The following LAMP1 variants were observed in gnomAD, a reference collection of about 807,000 sequenced individuals.
LAMP1 encodes lysosome associated membrane protein 1.
In LAMP1, 7 loss-of-function variants were observed where a neutral mutation model predicts 37.5. The ratio of observed to expected loss-of-function variants is 0.19; its 90% confidence interval spans 0.11 to 0.35. LAMP1 has a LOEUF of 0.35. LAMP1 is among the 10% of genes least tolerant of loss of function. LAMP1 has a pLI of 1.00. For missense variants in LAMP1, 537 were observed against 552.8 expected (o/e 0.97, Z 0.29); for synonymous variants, 236 against 229.1 (o/e 1.03, Z -0.27).
At chr13:113,310,627 G>T in intron 3 of LAMP1, 82 bp from the exon 4 acceptor site, 1 of 1,084,824 alleles carries the variant, frequency 9.2e-7, no homozygotes, top group Non-Finnish European at 1.3e-6. Context: ...ATCTATAACT[G>T]ACATCAGGGC....
chr13:113,303,634 A>G (rs1432167086), intron 1 of LAMP1, among the ~76,000 whole-genome samples: 2 of 151,170 alleles, frequency 1.3e-5, no homozygotes, highest in Non-Finnish European at 2.9e-5. Context: ...TGATGCTCTT[A>G]TTTTCTTCTA....
Position 113,322,620 on chromosome 13 carries a change from A to G in LAMP1, c.*199A>G. On this transcript the variant is annotated 3_prime_UTR_variant, in exon 9 of 9. Transcript: ENST00000332556. ...GGTGTTAATTTTGCTAACTGGGTTA[A>G]ATATTTTGCTAACTGGTTAAACATT... 2.3e-6 allele frequency: 1 copy of G among 431,584 alleles called. No homozygotes were observed. Among genetic ancestry groups the G allele is most frequent in the Non-Finnish European group, 4.0e-6 (1 of 249,862 alleles). 26.7% of individuals were successfully genotyped at this position (431,584 alleles called of 1,614,324 possible).
Position 113,320,442 on chromosome 13 carries a change from C to T in LAMP1, c.848C>T (p.Thr283Ile), listed in dbSNP as rs749182188. ...ACTCTGGAGCTGCACAGCGAGGGCA[C>T]CACCGTCCTGCTCTTCCAGTTCGGG... is the stretch of plus-strand genomic sequence containing the variant. The part of the protein sequence containing the change: ...LVTLELHSEG[T>I]TVLLFQFGMN... Residue 283 changes from threonine to isoleucine, a missense_variant, in exon 6 of 9, where the codon ACC becomes ATC. Physicochemically the swap from Thr to Ile is moderately conservative, Grantham distance 89. Transcript: ENST00000332556. The surrounding 1 kb of genome is among the most constrained non-coding windows in gnomAD (Gnocchi z 4.4). 6.2e-7 allele frequency: 1 copy of T among 1,610,298 alleles called. No individual in the cohort carries two copies. Among genetic ancestry groups the T allele is most frequent in the East Asian group, 2.2e-5 (1 of 44,870 alleles).
In LAMP1 at chr13:113,310,747, G is replaced by T. The variant is rs1323013704; in HGVS notation, c.442G>T (p.Asp148Tyr). ...TVESITDIRA[D>Y]IDKKYRCVSG... ...GGAATCTATAACTGACATCAGGGCA[G>T]ATATAGATAAAAAATACAGATGTGT... The change falls in exon 4 of 9, where the codon GAT becomes TAT. Residue 148 changes from aspartate to tyrosine, a missense_variant. By Grantham distance (160) the Asp-to-Tyr change is radical. Coordinates refer to ENST00000332556, the MANE Select transcript of LAMP1 (RefSeq NM_005561.4). 6.2e-7 allele frequency: 1 copy of T among 1,612,814 alleles called. No homozygotes were observed. Among genetic ancestry groups the T allele is most frequent in the Admixed American group, 1.7e-5 (1 of 59,904 alleles).
rs2042573761 is a variant in LAMP1, at chr13:113,301,642, AAAATATATATATATATAT to A, written c.61+4149_61+4166del. Among the ~76,000 whole-genome samples, 11 of 37,490 alleles carry A rather than the reference AAAATATATATATATATAT, an allele frequency of 2.9e-4. 1 individual carries two copies. Among genetic ancestry groups the A allele is most frequent in the African/African-American group, 1.0e-3 (6 of 5,998 alleles). 24.6% of individuals were successfully genotyped at this position (37,490 alleles called of 152,430 possible). A position where few individuals can be genotyped will look rare whatever the true frequency, so the allele number is the denominator to read the frequency against. ...TGTTTCCATTTAAAAAAAAAAAAAA[AAAATATATATATATATAT>A]ATATATATATATATATATATATATA... On this transcript the variant is annotated intron_variant, in intron 1 of 8. Coordinates refer to ENST00000332556, the MANE Select transcript of LAMP1 (RefSeq NM_005561.4).
In LAMP1 at chr13:113,319,488, C is replaced by A. The variant is rs770677734; in HGVS notation, c.582C>A (p.Asp194Glu). The A allele has an allele frequency of 6.2e-7, 1 of 1,612,780 alleles. No homozygotes were observed. Among genetic ancestry groups the A allele is most frequent in the Non-Finnish European group, 8.5e-7 (1 of 1,179,434 alleles). ...FSRGETRCEQ[D>E]RPSPTTAPPA... is the part of the protein sequence containing the mutation. ...CTGCAGAGACACGCTGTGAACAAGA[C>A]AGGCCTTCCCCAACCACAGCGCCCC... The change falls in exon 5 of 9, where the codon GAC (aspartate) becomes GAA (glutamate). Residue 194 changes from aspartate (D) to glutamate (E), a missense_variant. Coordinates refer to ENST00000332556, the MANE Select transcript of LAMP1 (RefSeq NM_005561.4).
At position 113,307,534 on chromosome 13, in the gene LAMP1, A is replaced by G. The variant is rs2042606306; in HGVS notation, c.183+928A>G. On this transcript the variant is annotated intron_variant, in intron 2 of 8. Transcript: ENST00000332556. Reference sequence around the variant, plus strand: ...GTTAATTCACCATAATTTGTTACACACTCCCCTATTAGTAATTGGTAAGTT... The same window carrying G: ...GTTAATTCACCATAATTTGTTACACGCTCCCCTATTAGTAATTGGTAAGTT... 2.0e-5 allele frequency among the ~76,000 whole-genome samples: 3 copies of G among 151,958 alleles called. No homozygotes were observed. In the South Asian group the frequency reaches 6.2e-4, roughly 32 times the overall value.
rs1184016888 is a variant in LAMP1 at position 113,315,574 on chromosome 13, G to A, written c.563-3895G>A. Among the ~76,000 whole-genome samples the A allele has an allele frequency of 2.6e-5, 4 of 151,244 alleles. No individual in the cohort carries two copies. The East Asian group carries it at 7.9e-4, about 30-fold the overall frequency. On this transcript the variant is annotated intron_variant, in intron 4 of 8. Coordinates refer to ENST00000332556, the MANE Select transcript of LAMP1 (RefSeq NM_005561.4). ...CTGGTTAATTTTTATATTTTTAGTAGAGGGGGGCGTTGCACCATGTTGGCC... is the reference window on the plus strand; with the variant it reads ...CTGGTTAATTTTTATATTTTTAGTAAAGGGGGGCGTTGCACCATGTTGGCC...
chr13:113,318,431 G>A (rs1456880582), intron 4 of LAMP1, among the ~76,000 whole-genome samples: 1 of 152,148 alleles, frequency 6.6e-6, no homozygotes, highest in African/African-American at 2.4e-5. Flanking sequence ...GGAAAGGATC[G>A]AATTGGGTGG....
Position 113,297,628 on chromosome 13 carries a change from G to A in LAMP1, c.61+133G>A, listed in dbSNP as rs2042549864. 1.2e-6 allele frequency: 1 copy of A among 844,820 alleles called. No individual in the cohort carries two copies. The highest frequency in any genetic ancestry group is 1.5e-6 in the Non-Finnish European group (1 of 655,938). The allele number at this position is 844,820 out of a possible 1,614,324, so 52.3% of individuals were successfully genotyped here. The stretch of plus-strand genomic sequence containing the variant: ...CACCCACTGCTCCTGGTCCCGGCCG[G>A]CTCTGCCCGCGGGCGGGTGTTTCTC... On this transcript the variant is annotated intron_variant, in intron 1 of 8. Transcript: ENST00000332556. This position sits in a 1 kb window ranked among gnomAD's most constrained non-coding sequence, Gnocchi z 4.4.
At chr13:113,307,807 A>AC (rs1757784244) in intron 2 of LAMP1, among the ~76,000 whole-genome samples, 1 of 150,642 alleles carries the variant, frequency 6.6e-6, no homozygotes, top group South Asian at 2.1e-4. Flanking sequence ...AAAAAAAAAA[A>AC]AAAAAGCCAG....
intron 4 of LAMP1, 28 bp from the exon 5 acceptor site, chr13:113,319,441 C>A: frequency 6.4e-7 from 1 of 1,569,160 alleles, no homozygotes; most frequent in South Asian, 1.2e-5. Flanking sequence ...GAAACCCAGA[C>A]CTGAATCTCC....
rs2042608758 is a variant in LAMP1 at position 113,307,953 on chromosome 13, T to C, written c.183+1347T>C. On this transcript the variant is annotated intron_variant, in intron 2 of 8. Coordinates refer to ENST00000332556, the MANE Select transcript of LAMP1 (RefSeq NM_005561.4). Reference sequence around the variant, plus strand: ...CAGCCTGGGTGACAGAGCGAGACCATCTCCAAAAAAAAAAAAAAAAAAAAA... The same window carrying C: ...CAGCCTGGGTGACAGAGCGAGACCACCTCCAAAAAAAAAAAAAAAAAAAAA... Among the ~76,000 whole-genome samples, 4 of 101,812 alleles carry C rather than the reference T, an allele frequency of 3.9e-5. No individual in the cohort carries two copies. In the South Asian group the frequency reaches 9.9e-4, roughly 25 times the overall value. 66.8% of individuals were successfully genotyped at this position (101,812 alleles called of 152,430 possible). A position where few individuals can be genotyped will look rare whatever the true frequency, so the allele number is the denominator to read the frequency against.
At chr13:113,310,306 T>A (rs2042623273) in intron 3 of LAMP1, among the ~76,000 whole-genome samples, 1 of 150,864 alleles carries the variant, frequency 6.6e-6, no homozygotes, top group Non-Finnish European at 1.5e-5. Flanking sequence ...GGCGGGCAGA[T>A]CATGAGGTCA....
In LAMP1 at chr13:113,321,839, C is replaced by A; in HGVS notation, c.1114+112C>A. 2 of 1,064,058 alleles carry A rather than the reference C, an allele frequency of 1.9e-6. No individual in the cohort carries two copies. Among genetic ancestry groups the A allele is most frequent in the Non-Finnish European group, 2.7e-6 (2 of 732,856 alleles). The allele number at this position is 1,064,058 out of a possible 1,614,324, so 65.9% of individuals were successfully genotyped here. A position where few individuals can be genotyped will look rare whatever the true frequency, so the allele number is the denominator to read the frequency against. The stretch of plus-strand genomic sequence containing the variant: ...CTGGGGCGACGCCCCTGTTCCTCTG[C>A]AAGGAGCTGTTTCTTCTTGCCGGTC... On this transcript the variant is annotated intron_variant, in intron 8 of 8. Transcript: ENST00000332556. The surrounding 1 kb of genome is among the most constrained non-coding windows in gnomAD (Gnocchi z 5.6).
At position 113,320,210 on chromosome 13, in the gene LAMP1, G is replaced by T; in HGVS notation, c.751-135G>T. 2 of 998,632 alleles carry T rather than the reference G, an allele frequency of 2.0e-6. No individual in the cohort carries two copies. The highest frequency in any genetic ancestry group is 3.1e-6 in the Non-Finnish European group (2 of 651,742). 61.9% of individuals were successfully genotyped at this position (998,632 alleles called of 1,614,324 possible). ...GGGATCCCGAAATCTGTACTAGTGT[G>T]GTCTTTCAGTGTTTTCCTTCTGGTT... On this transcript the variant is annotated intron_variant, in intron 5 of 8. Coordinates refer to ENST00000332556, the MANE Select transcript of LAMP1 (RefSeq NM_005561.4). The surrounding 1 kb of genome is among the most constrained non-coding windows in gnomAD (Gnocchi z 4.4).
At chr13:113,311,034 C>A (rs1196064876) in intron 4 of LAMP1, among the ~76,000 whole-genome samples, 167 bp downstream of exon 4, 3 of 152,076 alleles carry the variant, frequency 2.0e-5, no homozygotes, top group Non-Finnish European at 2.9e-5. Context: ...CTTCCTAGGG[C>A]AGGTGACTTG....
chr13:113,307,187 T>C (rs1307700530), intron 2 of LAMP1, among the ~76,000 whole-genome samples: 4 of 144,922 alleles, frequency 2.8e-5, no homozygotes, highest in Non-Finnish European at 6.0e-5. Flanking sequence ...AGATGGAATC[T>C]TGGTTTGTCG....
chr13:113,308,013 CCTTTTTT>C (rs2042609267), intron 2 of LAMP1, among the ~76,000 whole-genome samples: 1 of 150,688 alleles, frequency 6.6e-6, no homozygotes, highest in African/African-American at 2.4e-5. Flanking sequence ...CTTGTCAAAG[CCTTTTTT>C]CTTTTTTCTG....
Sources: allele counts gnomAD v4.1 joint callset (sites outside exome capture counted in the v4.1 genomes callset), GRCh38; gene constraint gnomAD v4.1.1; non-coding constraint Gnocchi (gnomAD v3.1); transcripts MANE v1.5; gene names NCBI Gene and HGNC (gene_info 2026-07-23, HGNC 2026-07-21).